LRRC4B: variants seen among roughly 807,000 people sequenced by gnomAD.
The protein encoded by LRRC4B is leucine rich repeat containing 4B, also known as leucine-rich repeat-containing protein 4B.
A neutral mutation model predicts 7.3 loss-of-function variants in LRRC4B; 1 was observed. The ratio of observed to expected loss-of-function variants is 0.14; its 90% confidence interval spans 0.05 to 0.65. LRRC4B has a LOEUF of 0.65. Ranked by LOEUF, LRRC4B falls within the 30% of genes least tolerant of loss-of-function variation. The pLI, the probability that LRRC4B is intolerant of heterozygous loss-of-function variation, is 0.84. For missense variants in LRRC4B, 730 were observed against 1,041.6 expected, an observed-to-expected ratio of 0.70 and a Z score of 4.12; for synonymous variants, 500 against 499.2, an observed-to-expected ratio of 1.00 and a Z score of -0.02.
intron 2 of LRRC4B, among the ~76,000 whole-genome samples, chr19:50,525,920 C>A (rs991532133): frequency 2.0e-5 from 3 of 152,262 alleles, no homozygotes; most frequent in East Asian, 1.9e-4. Context: ...ATTTGGGAGG[C>A]TGAGGCGGCA....
chr19:50,542,407 G>C lies in LRRC4B; in HGVS notation c.297+6135C>G, dbSNP rs186387230. On this transcript the variant is annotated intron_variant, in intron 2 of 2. Transcript: ENST00000652263. ...AGGCATTTCCTGAGGCTCCAGGCTT[G>C]CAGGCCCCACCAATCTCAAAAAACA... Among the ~76,000 whole-genome samples the C allele has an allele frequency of 4.6e-3, 700 of 152,158 alleles. 3 individuals are homozygous for C. The highest frequency in any genetic ancestry group is 6.9e-3 in the Non-Finnish European group (469 of 68,010).
chr19:50,560,941 A>G (rs1042696177), intron 1 of LRRC4B, among the ~76,000 whole-genome samples: 1 of 152,100 alleles, frequency 6.6e-6, no homozygotes. Flanking sequence ...AATACAAAAA[A>G]TTAGCCAGGC....
At position 50,563,570 on chromosome 19, in the gene LRRC4B, T is replaced by C. The variant is rs914785855; in HGVS notation, c.-36+4374A>G. The stretch of plus-strand genomic sequence containing the variant: ...CCAGAAACAGCGTCCGCATCCCAGG[T>C]CCTCTAAGGCAGCCCCTGCTCTCCA... On this transcript the variant is annotated intron_variant, in intron 1 of 2. Coordinates refer to ENST00000652263, the MANE Select transcript of LRRC4B (RefSeq NM_001080457.2). The surrounding 1 kb of genome is among the most constrained non-coding windows in gnomAD (Gnocchi z 4.9). Among the ~76,000 whole-genome samples the C allele has an allele frequency of 4.6e-5, 7 of 151,916 alleles. No individual in the cohort carries two copies. In the South Asian group the frequency reaches 1.2e-3, roughly 27 times the overall value.
chr19:50,535,080 G>A (rs1216240702), intron 2 of LRRC4B, among the ~76,000 whole-genome samples: 1 of 152,130 alleles, frequency 6.6e-6, no homozygotes, highest in East Asian at 1.9e-4. Context: ...GTGTTAGCCA[G>A]GATGGTCTCG....
At chr19:50,550,046 A>G (rs1981987172) in intron 1 of LRRC4B, among the ~76,000 whole-genome samples, 2 of 152,160 alleles carry the variant, frequency 1.3e-5, no homozygotes, top group South Asian at 4.1e-4. Context: ...ACCAGTAACA[A>G]TAGTCTCTCC....
intron 2 of LRRC4B, among the ~76,000 whole-genome samples, chr19:50,522,958 T>C (rs1005783400): frequency 6.6e-6 from 1 of 152,238 alleles, no homozygotes; most frequent in African/African-American, 2.4e-5. Flanking sequence ...GATGATGAAT[T>C]AGGCCCAGGG....
intron 2 of LRRC4B, among the ~76,000 whole-genome samples, chr19:50,540,445 C>T (rs571017341): frequency 6.6e-6 from 1 of 152,156 alleles, no homozygotes; most frequent in African/African-American, 2.4e-5. Context: ...ACACTACAAC[C>T]TCCGCCTCTC....
At chr19:50,550,222 G>A (rs952386921) in intron 1 of LRRC4B, among the ~76,000 whole-genome samples, 1 of 152,152 alleles carries the variant, frequency 6.6e-6, no homozygotes, top group Non-Finnish European at 1.5e-5. Context: ...AGCAGGCCGG[G>A]AGGGCGCAGA....
chr19:50,541,433 T>C (rs1265399219), intron 2 of LRRC4B, among the ~76,000 whole-genome samples: 5 of 149,276 alleles, frequency 3.3e-5, no homozygotes, highest in Non-Finnish European at 4.4e-5. Flanking sequence ...AACCATCTCC[T>C]CGACACCCCA....
In LRRC4B at chr19:50,518,144, A is replaced by G; in HGVS notation, c.1569T>C (p.Gly523=). 7 of 1,601,386 alleles carry G rather than the reference A, an allele frequency of 4.4e-6. No homozygotes were observed. The highest frequency in any genetic ancestry group is 5.9e-6 in the Non-Finnish European group (7 of 1,176,686). ...PPGPTTDGVW[G]GGRPGDAAGP... ...CGGCCGCGTCCCCAGGCCGGCCCCC[A>G]CCCCAGACACCGTCTGTCGTGGGCC... The change falls in exon 3 of 3, where the codon GGT becomes GGC. Residue 523 remains glycine (G), a synonymous_variant. Coordinates refer to ENST00000652263, the MANE Select transcript of LRRC4B (RefSeq NM_001080457.2).
At chr19:50,535,072 G>A (rs1981214082) in intron 2 of LRRC4B, among the ~76,000 whole-genome samples, 1 of 152,072 alleles carries the variant, frequency 6.6e-6, no homozygotes, top group Non-Finnish European at 1.5e-5. Flanking sequence ...GTTTCACTGT[G>A]TTAGCCAGGA....
chr19:50,566,707 C>T (rs1982641186), intron 1 of LRRC4B, among the ~76,000 whole-genome samples: 2 of 145,304 alleles, frequency 1.4e-5, no homozygotes, highest in South Asian at 4.3e-4. Context: ...CCTGAGAGCC[C>T]GGGATTGATG....
At chr19:50,535,661 A>G (rs1568724335) in intron 2 of LRRC4B, among the ~76,000 whole-genome samples, 2 of 152,244 alleles carry the variant, frequency 1.3e-5, no homozygotes, top group East Asian at 3.9e-4. Flanking sequence ...TCCCTCTCCA[A>G]CAGGGACTTC....
At chr19:50,539,415 A>C (rs1228578855) in intron 2 of LRRC4B, among the ~76,000 whole-genome samples, 1 of 152,202 alleles carries the variant, frequency 6.6e-6, no homozygotes, top group African/African-American at 2.4e-5. Context: ...CCCTCACAGG[A>C]ATAAATGGGG....
intron 2 of LRRC4B, among the ~76,000 whole-genome samples, chr19:50,527,805 G>A (rs1484889606): frequency 2.1e-5 from 3 of 142,578 alleles, no homozygotes; most frequent in Middle Eastern, 3.7e-3. Context: ...GCGGTGGCAC[G>A]ATCTCAGCTC....
intron 2 of LRRC4B, among the ~76,000 whole-genome samples, chr19:50,541,392 A>ATT (rs1981545316): frequency 6.7e-6 from 1 of 149,034 alleles, no homozygotes; most frequent in Non-Finnish European, 1.5e-5. Flanking sequence ...AAAGAAAAAG[A>ATT]AAAAGCAATG....
Position 50,517,000 on chromosome 19 carries a change from T to TGTGGGGCAG in LRRC4B, c.*562_*570dup, listed in dbSNP as rs1325502293. On this transcript the variant is annotated 3_prime_UTR_variant, in exon 3 of 3. Coordinates refer to ENST00000652263, the MANE Select transcript of LRRC4B (RefSeq NM_001080457.2). ...ACCTCCCTTCAGTATCAAAAGTGTCTGTGGGGCAGGTGGGGCTGGGGCGGG... is the reference window on the plus strand; with the variant it reads ...ACCTCCCTTCAGTATCAAAAGTGTCTGTGGGGCAGGTGGGGCAGGTGGGGCTGGGGCGGG... 1 of 148,628 alleles carries TGTGGGGCAG rather than the reference T, an allele frequency of 6.7e-6. No individual in the cohort carries two copies. Among genetic ancestry groups the TGTGGGGCAG allele is most frequent in the African/African-American group, 2.5e-5 (1 of 40,654 alleles). 9.2% of individuals were successfully genotyped at this position (148,628 alleles called of 1,614,324 possible).
In LRRC4B at chr19:50,556,288, G is replaced by C. The variant is rs28578092; in HGVS notation, c.-35-7415C>G. Among the ~76,000 whole-genome samples, 217 of 151,962 alleles carry C rather than the reference G, an allele frequency of 1.4e-3. 1 individual carries two copies. Among genetic ancestry groups the C allele is most frequent in the African/African-American group, 5.0e-3 (206 of 41,428 alleles). On this transcript the variant is annotated intron_variant, in intron 1 of 2. Coordinates refer to ENST00000652263, the MANE Select transcript of LRRC4B (RefSeq NM_001080457.2). The surrounding 1 kb of genome is among the most constrained non-coding windows in gnomAD (Gnocchi z 4.2). ...GGTGGGGGTGAGGTGCAGTGGGTGG[G>C]GGTGAGGTGGTGACTTGCTTGGAGG... is the stretch of plus-strand genomic sequence containing the variant.
At chr19:50,521,675 C>CTCAG (rs1464906343) in intron 2 of LRRC4B, among the ~76,000 whole-genome samples, 1 of 152,096 alleles carries the variant, frequency 6.6e-6, no homozygotes, top group Non-Finnish European at 1.5e-5. Flanking sequence ...ATCCACCCGC[C>CTCAG]TCAGCCTCCC....
Sources: gnomAD v4.1 joint callset for allele counts (sites outside exome capture counted in the v4.1 genomes callset) on GRCh38, gnomAD v4.1.1 for gene constraint, Gnocchi (gnomAD v3.1) non-coding constraint, MANE v1.5 for transcripts, NCBI Gene and HGNC (gene_info 2026-07-23, HGNC 2026-07-21) for gene names.